The following RPS6KA6 variants were observed in gnomAD, a reference collection of about 807,000 sequenced individuals.
RPS6KA6 encodes the protein ribosomal protein S6 kinase A6, also known as ribosomal protein S6 kinase alpha-6.
In RPS6KA6, 27 loss-of-function variants were observed where a neutral mutation model predicts 65.4. That is an observed-to-expected ratio of 0.41 (90% CI 0.30 to 0.57). The LOEUF (loss-of-function observed/expected upper bound fraction) is 0.57, where lower values mean the gene tolerates loss of function less well. Among genes scored for constraint, RPS6KA6 ranks in the 20% least tolerant of loss-of-function variants. The probability of loss-of-function intolerance (pLI) is 0.24; values close to 1 mark genes in which losing one functional copy is unlikely to be tolerated. For synonymous variants in RPS6KA6, 190 were observed against 184.2 expected (o/e 1.03, Z -0.26); for missense variants, 486 against 555.6 (o/e 0.87, Z 1.26).
rs771595187 is a variant in RPS6KA6, at chrX:84,120,084, G to A, written c.647-57C>T. The stretch of plus-strand genomic sequence containing the variant: ...TGAAAAACTTCAGAAAATAGAAAAC[G>A]TCAAAAGAAACAAAATAATGTATTA... On this transcript the variant is annotated intron_variant, in intron 8 of 21. Transcript: ENST00000262752. 3.1e-5 allele frequency: 28 copies of A among 904,947 alleles called. No individual in the cohort carries two copies. In the South Asian group the frequency reaches 4.5e-4, roughly 15 times the overall value. The allele number at this position is 904,947 out of a possible 1,213,427, so 74.6% of individuals were successfully genotyped here. A position where few individuals can be genotyped will look rare whatever the true frequency, so the allele number is the denominator to read the frequency against.
chrX:84,087,021 T>A (rs2033937716), intron 20 of RPS6KA6, among the ~76,000 whole-genome samples: 1 of 111,567 alleles, frequency 9.0e-6, no homozygotes, highest in Admixed American at 9.6e-5. Context: ...TTTTCCTCCA[T>A]CCTTTTATTC....
intron 8 of RPS6KA6, among the ~76,000 whole-genome samples, chrX:84,122,773 G>A (rs925790362): frequency 9.0e-6 from 1 of 111,211 alleles, no homozygotes; most frequent in African/African-American, 3.3e-5. Context: ...AGTCTAAGAT[G>A]CAAACCCTGC....
chrX:84,115,631 TA>T (rs755848765), intron 12 of RPS6KA6, among the ~76,000 whole-genome samples: 2 of 111,412 alleles, frequency 1.8e-5, no homozygotes, highest in South Asian at 7.5e-4. Flanking sequence ...AATAAATCAT[TA>T]TATAAAAAGG....
chrX:84,187,610 G>A (rs941343135), intron 1 of RPS6KA6, among the ~76,000 whole-genome samples: 2 of 112,074 alleles, frequency 1.8e-5, no homozygotes, highest in Admixed American at 9.3e-5. Flanking sequence ...GGCCGAGCCC[G>A]GGCCCAGGCT....
intron 12 of RPS6KA6, among the ~76,000 whole-genome samples, chrX:84,115,717 A>G (rs1010901062): frequency 2.7e-5 from 3 of 112,058 alleles, no homozygotes; most frequent in Non-Finnish European, 5.6e-5. Flanking sequence ...GTGTCCATCA[A>G]TGGTTAATTG....
chrX:84,064,950 A>AT (rs757201273), intron 21 of RPS6KA6, 21 bp downstream of exon 21: 2 of 1,193,904 alleles, frequency 1.7e-6, no homozygotes, highest in Non-Finnish European at 2.3e-6. Context: ...TCGAAGGCAC[A>AT]TAAAAGTATG....
chrX:84,154,165 C>T (rs185152654), intron 3 of RPS6KA6, among the ~76,000 whole-genome samples: 10 of 111,105 alleles, frequency 9.0e-5, no homozygotes, highest in Non-Finnish European at 1.7e-4. Flanking sequence ...TGCTAGAAAA[C>T]TTAAGTCTAA....
chrX:84,109,632 C>G (rs1188843565), intron 12 of RPS6KA6, among the ~76,000 whole-genome samples: 1 of 110,910 alleles, frequency 9.0e-6, no homozygotes, highest in Non-Finnish European at 1.9e-5. Flanking sequence ...TTTGTAGGCC[C>G]TTCTGAGATC....
At chrX:84,139,667 T>C (rs1048755982) in intron 6 of RPS6KA6, among the ~76,000 whole-genome samples, 1 of 111,913 alleles carries the variant, frequency 8.9e-6, no homozygotes, top group Non-Finnish European at 1.9e-5. Context: ...ATTGAACTAC[T>C]ATCACCCAAT....
intron 6 of RPS6KA6, among the ~76,000 whole-genome samples, chrX:84,142,907 G>A (rs1218456872): frequency 9.0e-6 from 1 of 110,695 alleles, no homozygotes; most frequent in East Asian, 2.8e-4. Context: ...AATCATTTAA[G>A]GGCAATTTAT....
intron 8 of RPS6KA6, 47 bp from the exon 9 acceptor site, chrX:84,120,074 A>C (rs748950308): frequency 1.0e-6 from 1 of 970,929 alleles, no homozygotes; most frequent in East Asian, 3.2e-5. Flanking sequence ...AACTTCAGAA[A>C]ATAGAAAACG....
intron 1 of RPS6KA6, among the ~76,000 whole-genome samples, chrX:84,173,270 T>C (rs185687166): frequency 9.0e-6 from 1 of 111,347 alleles, no homozygotes; most frequent in Admixed American, 9.7e-5. Context: ...GCAGGCATAG[T>C]ATGTCATGAA....
chrX:84,175,295 T>C (rs1237985622), intron 1 of RPS6KA6, among the ~76,000 whole-genome samples: 1 of 111,532 alleles, frequency 9.0e-6, no homozygotes, highest in East Asian at 2.8e-4. Context: ...GTATATAAAA[T>C]GATGTGGCAT....
intron 1 of RPS6KA6, among the ~76,000 whole-genome samples, chrX:84,183,484 A>G (rs961042215): frequency 6.3e-5 from 7 of 111,288 alleles, no homozygotes; most frequent in Non-Finnish European, 1.3e-4. Flanking sequence ...AATGTCACTC[A>G]TGTCCTCAAA....
intron 20 of RPS6KA6, among the ~76,000 whole-genome samples, chrX:84,065,448 T>C (rs2033379548): frequency 9.0e-6 from 1 of 111,719 alleles, no homozygotes; most frequent in African/African-American, 3.3e-5. Flanking sequence ...CTATTGAACT[T>C]TGCTGTTAAG....
At position 84,134,693 on chromosome X, in the gene RPS6KA6, G is replaced by A. The variant is rs1456109216; in HGVS notation, c.646+89C>T. On this transcript the variant is annotated intron_variant, in intron 8 of 21. Transcript: ENST00000262752. ...ATAAATTGCAAATCAAATTCAGAAA[G>A]AGAAAAAAACAGGCTTAGACAAATT... 3.3e-5 allele frequency: 19 copies of A among 572,457 alleles called. No individual in the cohort carries two copies. In the African/African-American group the frequency reaches 4.2e-4, roughly 13 times the overall value. 47.2% of individuals were successfully genotyped at this position (572,457 alleles called of 1,213,427 possible).
In RPS6KA6 at chrX:84,156,126, A is replaced by T; in HGVS notation, c.207T>A (p.Asp69Glu). The T allele has an allele frequency of 8.3e-7, 1 of 1,201,372 alleles. No individual in the cohort carries two copies. Among genetic ancestry groups the T allele is most frequent in the Non-Finnish European group, 1.1e-6 (1 of 886,314 alleles). ...HHVKEGYEKA[D>E]PAQFELLKVL... is the part of the protein sequence containing the mutation. ...CCTTGAGCAACTCAAACTGTGCAGG[A>T]TCTGCTTTCTCATAGCCTTCCTTAA... The change falls in exon 3 of 22, where the codon GAT becomes GAA. Residue 69 changes from aspartate to glutamate, a missense_variant. Coordinates refer to ENST00000262752, the MANE Select transcript of RPS6KA6 (RefSeq NM_014496.5).
chrX:84,095,546 T>A (rs897284984), intron 20 of RPS6KA6, among the ~76,000 whole-genome samples: 1 of 111,630 alleles, frequency 9.0e-6, no homozygotes, highest in Non-Finnish European at 1.9e-5. Flanking sequence ...GCTTTAAGTA[T>A]AAAATATATA....
intron 1 of RPS6KA6, among the ~76,000 whole-genome samples, chrX:84,171,108 G>C (rs2035676382): frequency 1.8e-5 from 2 of 111,225 alleles, no homozygotes; most frequent in South Asian, 7.7e-4. Flanking sequence ...ATCTGAGGGA[G>C]TGTAAAAGTA....
Sources: gnomAD v4.1 joint callset for allele counts (sites outside exome capture counted in the v4.1 genomes callset) on GRCh38, gnomAD v4.1.1 for gene constraint, MANE v1.5 for transcripts, NCBI Gene and HGNC (gene_info 2026-07-23, HGNC 2026-07-21) for gene names.